The following XKR3 variants were observed in gnomAD, a reference collection of about 807,000 sequenced individuals.
XKR3 encodes XK related 3.
Under a neutral mutation model 40.3 loss-of-function variants are expected in XKR3, and 27 were observed. The ratio of observed to expected loss-of-function variants is 0.67; its 90% CI spans 0.49 to 0.92. The LOEUF (loss-of-function observed/expected upper bound fraction) is 0.92, where lower values mean the gene tolerates loss of function less well. XKR3 is among the 40% of genes least tolerant of loss of function. The probability of loss-of-function intolerance (pLI) is 0.00; values close to 1 mark genes in which losing one functional copy is unlikely to be tolerated. For missense variants in XKR3, 472 were observed against 537.6 expected (o/e 0.88, Z 1.21); for synonymous variants, 193 against 195.4 (o/e 0.99, Z 0.10).
At chr22:16,810,450 C>T (rs1025404883) in intron 1 of XKR3, among the ~76,000 whole-genome samples, 36 of 152,252 alleles carry the variant, frequency 2.4e-4, no homozygotes, top group African/African-American at 8.7e-4. Flanking sequence ...AGAATCTAGC[C>T]ACTTTTCCCT....
chr22:16,785,721 G>C (rs1438251600), intron 3 of XKR3, among the ~76,000 whole-genome samples: 31 of 151,910 alleles, frequency 2.0e-4, no homozygotes, highest in Admixed American at 7.2e-4. Context: ...AAAATTAGCC[G>C]GGCATAGACC....
At chr22:16,806,566 T>C (rs912781497) in intron 2 of XKR3, among the ~76,000 whole-genome samples, 11 of 146,714 alleles carry the variant, frequency 7.5e-5, no homozygotes, top group Admixed American at 2.8e-4. Context: ...GCCTCCCAAA[T>C]AGCTGGGATT....
At chr22:16,803,599 A>G (rs1396974479) in intron 2 of XKR3, among the ~76,000 whole-genome samples, 1 of 152,230 alleles carries the variant, frequency 6.6e-6, no homozygotes, top group African/African-American at 2.4e-5. Flanking sequence ...ACAGGTCATA[A>G]TGAACTTCCT....
At chr22:16,800,858 A>G (rs1408464494) in intron 2 of XKR3, among the ~76,000 whole-genome samples, 1 of 152,198 alleles carries the variant, frequency 6.6e-6, no homozygotes, top group Non-Finnish European at 1.5e-5. Context: ...ATAATGGAGT[A>G]CTTCAGAAGT....
intron 3 of XKR3, among the ~76,000 whole-genome samples, chr22:16,790,030 T>C (rs1374712802): frequency 6.6e-6 from 1 of 152,126 alleles, no homozygotes; most frequent in Non-Finnish European, 1.5e-5. Flanking sequence ...TTCCAGCTAC[T>C]CTGGGGTCTG....
intron 1 of XKR3, among the ~76,000 whole-genome samples, chr22:16,819,243 A>G (rs1332478804): frequency 6.6e-6 from 1 of 152,160 alleles, no homozygotes; most frequent in African/African-American, 2.4e-5. Context: ...TGCAATTCCT[A>G]TCAAAATCTC....
chr22:16,805,916 G>A (rs1271695734), intron 2 of XKR3, among the ~76,000 whole-genome samples: 1 of 152,174 alleles, frequency 6.6e-6, no homozygotes, highest in Non-Finnish European at 1.5e-5. Flanking sequence ...GAGTGGAGAA[G>A]GATGTGCAGA....
chr22:16,821,122 A>G (rs1248239662), intron 1 of XKR3, among the ~76,000 whole-genome samples: 2 of 152,164 alleles, frequency 1.3e-5, no homozygotes, highest in Admixed American at 6.6e-5. Context: ...GACTAATAAT[A>G]TTAAGCAATA....
intron 1 of XKR3, among the ~76,000 whole-genome samples, chr22:16,816,119 T>G (rs1410072790): frequency 6.6e-6 from 1 of 151,954 alleles, no homozygotes; most frequent in Non-Finnish European, 1.5e-5. Flanking sequence ...TTAGAGTATT[T>G]AATATTTTAA....
chr22:16,824,315 G>T (rs1569046258), intron 1 of XKR3, among the ~76,000 whole-genome samples: 1 of 151,940 alleles, frequency 6.6e-6, no homozygotes, highest in African/African-American at 2.4e-5. Context: ...CCATAAAAAT[G>T]TTTTTCCCCA....
intron 1 of XKR3, among the ~76,000 whole-genome samples, chr22:16,814,880 T>C (rs1229400034): frequency 1.3e-5 from 2 of 152,038 alleles, no homozygotes; most frequent in Non-Finnish European, 2.9e-5. Context: ...TACAAGATCA[T>C]GTCATCTGCA....
chr22:16,787,082 T>C (rs1198686662), intron 3 of XKR3, among the ~76,000 whole-genome samples: 11 of 151,222 alleles, frequency 7.3e-5, no homozygotes, highest in Non-Finnish European at 1.5e-4. Flanking sequence ...AATAAAAAAG[T>C]TGAAGATAAA....
chr22:16,815,808 A>G (rs2060230896), intron 1 of XKR3, among the ~76,000 whole-genome samples: 1 of 152,008 alleles, frequency 6.6e-6, no homozygotes, highest in African/African-American at 2.4e-5. Flanking sequence ...ATAAATAAAT[A>G]TCCATCAAAT....
At chr22:16,804,220 A>AAGCTC (rs1273181890) in intron 2 of XKR3, among the ~76,000 whole-genome samples, 4 of 152,164 alleles carry the variant, frequency 2.6e-5, no homozygotes, top group African/African-American at 9.7e-5. Flanking sequence ...AATGAGGACT[A>AAGCTC]AGCTCTCATT....
chr22:16,811,001 GC>G lies in XKR3; in HGVS notation c.-10-2919del, dbSNP rs2060210037. Among the ~76,000 whole-genome samples, 7 of 152,116 alleles carry G rather than the reference GC, an allele frequency of 4.6e-5. 1 individual carries two copies. In the South Asian group the frequency reaches 1.2e-3, roughly 27 times the overall value. On this transcript the variant is annotated intron_variant, in intron 1 of 3. Coordinates refer to ENST00000684488, the MANE Select transcript of XKR3 (RefSeq NM_001386955.1). ...GTTGTTGTCACTGCTTCCTACTAAA[GC>G]CAAAATGTAAGTTCTATCAGTACAT...
At chr22:16,815,475 A>G (rs964689744) in intron 1 of XKR3, among the ~76,000 whole-genome samples, 1 of 152,046 alleles carries the variant, frequency 6.6e-6, no homozygotes, top group Non-Finnish European at 1.5e-5. Context: ...TGAGCTGGAA[A>G]GTCTGTTAAT....
chr22:16,820,351 G>T (rs2060250413), intron 1 of XKR3, among the ~76,000 whole-genome samples: 1 of 152,152 alleles, frequency 6.6e-6, no homozygotes. Context: ...GAATCCCAGG[G>T]AGTTAAACTG....
At chr22:16,789,722 C>T (rs2146142509) in intron 3 of XKR3, among the ~76,000 whole-genome samples, 1 of 152,136 alleles carries the variant, frequency 6.6e-6, no homozygotes, top group Non-Finnish European at 1.5e-5. Context: ...CCAAAGCAAT[C>T]CTGAAGATGG....
At chr22:16,808,646 A>G (rs2060200248) in intron 1 of XKR3, among the ~76,000 whole-genome samples, 1 of 152,178 alleles carries the variant, frequency 6.6e-6, no homozygotes, top group African/African-American at 2.4e-5. Flanking sequence ...AATCTAGTAA[A>G]GTTTCAATTT....
Sources: allele counts gnomAD v4.1 joint callset (sites outside exome capture counted in the v4.1 genomes callset), GRCh38; gene constraint gnomAD v4.1.1; transcripts MANE v1.5; gene names NCBI Gene and HGNC (gene_info 2026-07-23, HGNC 2026-07-21).